The following DMD variants were observed in gnomAD, a reference collection of about 807,000 sequenced individuals.
DMD encodes the protein dystrophin.
Under a neutral mutation model 330.1 loss-of-function variants are expected in DMD, and 63 were observed. The observed-to-expected ratio is 0.19, with a 90% CI of 0.16 to 0.24. The LOEUF (loss-of-function observed/expected upper bound fraction) is 0.24. DMD is among the 10% of genes least tolerant of loss of function. DMD has a pLI of 1.00. For missense variants in DMD, 3,344 were observed against 2,684.1 expected, an observed-to-expected ratio of 1.25 and a Z score of -5.43; for synonymous variants, 1,223 against 959.8, an observed-to-expected ratio of 1.27 and a Z score of -5.07.
At chrX:32,654,753 A>C (rs2060432589) in intron 9 of DMD, among the ~76,000 whole-genome samples, 2 of 111,670 alleles carry the variant, frequency 1.8e-5, no homozygotes, top group South Asian at 7.4e-4. Context: ...TACCTCTGGT[A>C]GAATTCGGCT....
At chrX:31,750,095 G>C (rs1343438279) in intron 51 of DMD, among the ~76,000 whole-genome samples, 4 of 110,096 alleles carry the variant, frequency 3.6e-5, no homozygotes, top group Non-Finnish European at 7.6e-5. Context: ...GTTGTAGGTT[G>C]CCTGTTCACT....
intron 55 of DMD, among the ~76,000 whole-genome samples, chrX:31,511,079 T>A (rs1414103626): frequency 9.0e-6 from 1 of 110,680 alleles, no homozygotes; most frequent in Non-Finnish European, 1.9e-5. Flanking sequence ...GCTACAGGAC[T>A]CAGATAGGTT....
At chrX:32,307,411 A>G (rs1438908505) in intron 42 of DMD, among the ~76,000 whole-genome samples, 1 of 111,532 alleles carries the variant, frequency 9.0e-6, no homozygotes, top group Non-Finnish European at 1.9e-5. Flanking sequence ...GGGATGCAGA[A>G]CTTTAACTAC....
At chrX:32,652,425 T>C (rs368002340) in intron 9 of DMD, among the ~76,000 whole-genome samples, 22 of 108,929 alleles carry the variant, frequency 2.0e-4, no homozygotes, top group African/African-American at 7.3e-4. Flanking sequence ...CTGAGAATGA[T>C]GGTCTCCAGC....
chrX:33,262,529 T>C lies in DMD; in HGVS notation c.7+76730A>G, dbSNP rs779062752. 2.1e-4 allele frequency among the ~76,000 whole-genome samples: 23 copies of C among 110,928 alleles called. 1 individual carries two copies. In the South Asian group the frequency reaches 5.2e-3, roughly 25 times the overall value. Reference sequence around the variant, plus strand: ...ACCACATGTCAGGGCTAAATATAAATCTATGGTAATTGAGACATATTATAG... The same window carrying C: ...ACCACATGTCAGGGCTAAATATAAACCTATGGTAATTGAGACATATTATAG... On this transcript the variant is annotated intron_variant, in intron 1 of 17. Transcript: ENST00000288447.
intron 41 of DMD, among the ~76,000 whole-genome samples, chrX:32,329,600 T>C (rs1318935559): frequency 8.9e-6 from 1 of 112,445 alleles, no homozygotes; most frequent in African/African-American, 3.2e-5. Flanking sequence ...CCGATATTAT[T>C]CATGTTTCAT....
chrX:31,328,537 A>T (rs1315469412), intron 61 of DMD, among the ~76,000 whole-genome samples: 1 of 111,159 alleles, frequency 9.0e-6, no homozygotes, highest in East Asian at 2.8e-4. Context: ...TCAAAGCCCA[A>T]TCCAGCATCT....
intron 41 of DMD, among the ~76,000 whole-genome samples, chrX:32,321,744 T>G (rs1247153405): frequency 6.3e-5 from 7 of 111,914 alleles, no homozygotes; most frequent in Non-Finnish European, 5.6e-5. Flanking sequence ...AAACCTTAAC[T>G]GCATTTGCGC....
chrX:31,985,726 T>C (rs1230730287), intron 44 of DMD, among the ~76,000 whole-genome samples: 1 of 112,129 alleles, frequency 8.9e-6, no homozygotes, highest in Non-Finnish European at 1.9e-5. Context: ...CAAACAAAGA[T>C]GTACATACAC....
intron 67 of DMD, among the ~76,000 whole-genome samples, chrX:31,191,912 A>C (rs779634376): frequency 1.8e-5 from 2 of 112,695 alleles, no homozygotes; most frequent in Non-Finnish European, 3.7e-5. Flanking sequence ...TCGTTATAAA[A>C]AGCCTTAGCA....
intron 1 of DMD, among the ~76,000 whole-genome samples, chrX:33,206,374 C>T (rs1338354068): frequency 3.3e-4 from 37 of 111,533 alleles, no homozygotes; most frequent in African/African-American, 1.2e-3. Flanking sequence ...ACAGCAACAA[C>T]ATTTTATCAG....
intron 1 of DMD, among the ~76,000 whole-genome samples, chrX:33,281,155 T>C (rs1368112457): frequency 9.0e-6 from 1 of 111,643 alleles, no homozygotes; most frequent in African/African-American, 3.3e-5. Context: ...GCATGTTTTG[T>C]TAGTTTTATA....
intron 19 of DMD, among the ~76,000 whole-genome samples, chrX:32,494,300 A>C (rs1198491772): frequency 9.0e-6 from 1 of 111,645 alleles, no homozygotes; most frequent in Non-Finnish European, 1.9e-5. Flanking sequence ...GAAATTTATA[A>C]TACGCTCTAT....
chrX:32,741,004 T>C (rs927563108), intron 7 of DMD, among the ~76,000 whole-genome samples: 1 of 111,737 alleles, frequency 8.9e-6, no homozygotes, highest in African/African-American at 3.3e-5. Context: ...TACCCAGATA[T>C]AGGAAGGTGT....
intron 7 of DMD, among the ~76,000 whole-genome samples, chrX:32,724,867 ATTTGCATGATC>A (rs1395383669): frequency 2.7e-5 from 3 of 112,003 alleles, no homozygotes; most frequent in African/African-American, 9.7e-5. Context: ...TATGTTAATT[ATTTGCATGATC>A]TTTAGCATTT....
At chrX:32,340,842 C>T (rs1260844435) in intron 41 of DMD, among the ~76,000 whole-genome samples, 1 of 111,902 alleles carries the variant, frequency 8.9e-6, no homozygotes, top group Non-Finnish European at 1.9e-5. Context: ...CTGAAACATT[C>T]AGCCAGGTGG....
chrX:31,559,252 T>C (rs148569133), intron 55 of DMD, among the ~76,000 whole-genome samples: 1,301 of 111,472 alleles, frequency 0.012, 21 homozygotes, highest in African/African-American at 0.04. Flanking sequence ...TGTATTCCTA[T>C]ATTCTTCTCT....
chrX:31,373,891 A>G (rs1454200643), intron 60 of DMD, among the ~76,000 whole-genome samples: 66 of 109,546 alleles, frequency 6.0e-4, no homozygotes, highest in African/African-American at 1.9e-3. Context: ...GCAACCTACA[A>G]AATGGGAGAA....
intron 37 of DMD, among the ~76,000 whole-genome samples, chrX:32,360,413 A>T (rs2097827510): frequency 9.0e-6 from 1 of 111,704 alleles, no homozygotes; most frequent in South Asian, 3.7e-4. Context: ...TCATTGTTAC[A>T]CTCAGTTGCC....
Sources: allele counts gnomAD v4.1 joint callset (sites outside exome capture counted in the v4.1 genomes callset), GRCh38; gene constraint gnomAD v4.1.1; transcripts MANE v1.5; gene names NCBI Gene and HGNC (gene_info 2026-07-23, HGNC 2026-07-21).